TPRG1: variants seen among roughly 807,000 people sequenced by gnomAD.
TPRG1 encodes tumor protein p63-regulated gene 1 protein.
In TPRG1, 29 loss-of-function variants were observed where a neutral mutation model predicts 29.3. That is an observed-to-expected ratio of 0.99 (90% CI 0.74 to 1.35). TPRG1 has a LOEUF of 1.35. Ranked by LOEUF, TPRG1 falls within the 40% of genes most tolerant of loss-of-function variation. TPRG1 has a pLI of 0.00. For missense variants in TPRG1, 327 were observed against 335.0 expected (o/e 0.98, Z 0.19); for synonymous variants, 130 against 116.8 (o/e 1.11, Z -0.73).
At chr3:189,184,590 A>T (rs979650237) in intron 1 of TPRG1, among the ~76,000 whole-genome samples, 2 of 152,212 alleles carry the variant, frequency 1.3e-5, no homozygotes, top group African/African-American at 4.8e-5. Flanking sequence ...GAAAAATTAA[A>T]TGAGGCCAAA....
intron 3 of TPRG1, among the ~76,000 whole-genome samples, chr3:189,232,000 C>A (rs1738748896): frequency 7.1e-6 from 1 of 141,554 alleles, no homozygotes. Flanking sequence ...TCTCTTTCAA[C>A]TAAAACTTAA....
chr3:189,032,974 C>A (rs913101862), intron 4 of TPRG1, among the ~76,000 whole-genome samples: 9 of 152,134 alleles, frequency 5.9e-5, no homozygotes, highest in African/African-American at 2.2e-4. Flanking sequence ...ATATGTGCCA[C>A]ATTTTCTTAT....
intron 1 of TPRG1, among the ~76,000 whole-genome samples, chr3:189,114,859 C>A (rs531356003): frequency 6.6e-6 from 1 of 152,254 alleles, no homozygotes; most frequent in East Asian, 1.9e-4. Flanking sequence ...AGTTATAGCC[C>A]TGAGGGATGG....
intron 1 of TPRG1, among the ~76,000 whole-genome samples, chr3:189,111,103 A>G (rs1008629301): frequency 1.7e-5 from 2 of 117,884 alleles, no homozygotes; most frequent in African/African-American, 1.2e-4. Context: ...GCAATTTCTA[A>G]AAAAACAAAC....
At chr3:189,194,100 C>A (rs368093737) in intron 1 of TPRG1, among the ~76,000 whole-genome samples, 3 of 151,176 alleles carry the variant, frequency 2.0e-5, no homozygotes, top group African/African-American at 7.3e-5. Context: ...GTTTTTTTTG[C>A]CTGCTGGTTG....
At chr3:189,189,039 G>C (rs1262930501) in intron 1 of TPRG1, among the ~76,000 whole-genome samples, 1 of 151,964 alleles carries the variant, frequency 6.6e-6, no homozygotes, top group African/African-American at 2.4e-5. Flanking sequence ...TGAAAATGTA[G>C]GCACCTTTTA....
At chr3:189,124,717 T>C (rs997284304) in intron 1 of TPRG1, among the ~76,000 whole-genome samples, 1 of 152,202 alleles carries the variant, frequency 6.6e-6, no homozygotes, top group African/African-American at 2.4e-5. Flanking sequence ...TGTTATTTCA[T>C]GGGCATTGCT....
In TPRG1 at chr3:189,069,470, A is replaced by G. The variant is rs986511183; in HGVS notation, c.-463+45524A>G. Among the ~76,000 whole-genome samples, 42 of 152,194 alleles carry G rather than the reference A, an allele frequency of 2.8e-4. 1 individual carries two copies. The highest frequency in any genetic ancestry group is 1.0e-3 in the African/African-American group (42 of 41,448). On this transcript the variant is annotated intron_variant, in intron 4 of 10. Coordinates refer to the TPRG1 transcript ENST00000433971. ...AAAATCTTGGTTGTGATATTGTACG[A>G]TAGATAGTTTAAGATCTTACTTTTG... is the stretch of plus-strand genomic sequence containing the variant.
intron 1 of TPRG1, among the ~76,000 whole-genome samples, chr3:189,111,823 T>C (rs1388109744): frequency 6.6e-6 from 1 of 152,164 alleles, no homozygotes; most frequent in Non-Finnish European, 1.5e-5. Flanking sequence ...CTTGTTGCAC[T>C]GGCTTAGACT....
At chr3:189,018,122 G>T (rs1713057744) in intron 3 of TPRG1, among the ~76,000 whole-genome samples, 1 of 152,062 alleles carries the variant, frequency 6.6e-6, no homozygotes, top group South Asian at 2.1e-4. Context: ...TGTAGATTCT[G>T]GATATTAGCC....
chr3:189,170,465 C>T (rs1217312054), upstream of TPRG1, among the ~76,000 whole-genome samples: 2 of 152,180 alleles, frequency 1.3e-5, no homozygotes, highest in African/African-American at 4.8e-5. Flanking sequence ...CGCTGTGCAG[C>T]CTTCCTGGAG....
chr3:189,230,611 C>T (rs62292395), intron 3 of TPRG1, among the ~76,000 whole-genome samples: 41,122 of 151,898 alleles, frequency 0.27, 5,911 homozygotes, highest in South Asian at 0.48. Context: ...ACTATTCTCC[C>T]GGGTATTCTC....
At chr3:189,100,471 C>A (rs1376722443) in intron 1 of TPRG1, among the ~76,000 whole-genome samples, 3 of 152,172 alleles carry the variant, frequency 2.0e-5, no homozygotes, top group Non-Finnish European at 2.9e-5. Context: ...TCCTCCATAG[C>A]AGTTCATGTC....
chr3:189,023,576 C>G (rs1382151394), intron 3 of TPRG1, among the ~76,000 whole-genome samples: 5 of 152,190 alleles, frequency 3.3e-5, no homozygotes, highest in Middle Eastern at 3.2e-3. Flanking sequence ...GGAAAGGGGG[C>G]ACTCTGCCTC....
chr3:189,067,251 G>A (rs1025217928), intron 4 of TPRG1, among the ~76,000 whole-genome samples: 3 of 152,058 alleles, frequency 2.0e-5, no homozygotes, highest in Admixed American at 1.3e-4. Context: ...ACTACCCAAA[G>A]CAATCTATAG....
At chr3:189,075,716 T>C (rs555357727) in intron 4 of TPRG1, among the ~76,000 whole-genome samples, 4 of 152,228 alleles carry the variant, frequency 2.6e-5, no homozygotes, top group Non-Finnish European at 5.9e-5. Flanking sequence ...AGTGTATTTT[T>C]ACAGTCCCAC....
intron 4 of TPRG1, among the ~76,000 whole-genome samples, chr3:189,299,255 C>A (rs1043679825): frequency 6.6e-6 from 1 of 152,082 alleles, no homozygotes; most frequent in Non-Finnish European, 1.5e-5. Context: ...TATTGTGTAG[C>A]ATTTTTCTTG....
intron 5 of TPRG1, among the ~76,000 whole-genome samples, chr3:189,311,917 G>A (rs1210472821): frequency 2.0e-5 from 3 of 151,778 alleles, no homozygotes; most frequent in Non-Finnish European, 4.4e-5. Flanking sequence ...GGCTTCAGGG[G>A]GACAGAGTGG....
In TPRG1 at chr3:189,152,868, G is replaced by A. The variant is rs1305247734; in HGVS notation, c.-10+1996G>A. On this transcript the variant is annotated intron_variant, in intron 5 of 6. Coordinates refer to the TPRG1 transcript ENST00000412373. Reference sequence around the variant, plus strand: ...TTATTAAAAAGTAGGATTGCTACCTGCCATTATTATTAAAAAGTAGGATTG... The same window carrying A: ...TTATTAAAAAGTAGGATTGCTACCTACCATTATTATTAAAAAGTAGGATTG... 2.0e-5 allele frequency among the ~76,000 whole-genome samples: 3 copies of A among 146,936 alleles called. No individual in the cohort carries two copies. The East Asian group carries it at 6.1e-4, about 30-fold the overall frequency.
Sources: gnomAD v4.1 joint callset for allele counts (sites outside exome capture counted in the v4.1 genomes callset) on GRCh38, gnomAD v4.1.1 for gene constraint, MANE v1.5 for transcripts, NCBI Gene and HGNC (gene_info 2026-07-23, HGNC 2026-07-21) for gene names.